The following ATG14 variants were observed in gnomAD, a reference collection of about 807,000 sequenced individuals.
ATG14 encodes the protein beclin 1-associated autophagy-related key regulator.
In ATG14, 35 loss-of-function variants were observed where a neutral mutation model predicts 60.4. The ratio of observed to expected loss-of-function variants is 0.58; its 90% CI spans 0.44 to 0.77. The LOEUF (loss-of-function observed/expected upper bound fraction) is 0.77, where lower values mean the gene tolerates loss of function less well. Ranked by LOEUF, ATG14 falls within the 30% of genes least tolerant of loss-of-function variation. The probability of loss-of-function intolerance (pLI) is 0.00; values close to 1 mark genes in which losing one functional copy is unlikely to be tolerated. For synonymous variants in ATG14, 234 were observed against 228.8 expected (o/e 1.02, Z -0.21); for missense variants, 647 against 626.3 (o/e 1.03, Z -0.35).
At chr14:55,371,430 G>A (rs578171867) in intron 9 of ATG14, among the ~76,000 whole-genome samples, 160 of 152,196 alleles carry the variant, frequency 1.1e-3, no homozygotes, top group Admixed American at 4.3e-3. Flanking sequence ...TATGCTCCAG[G>A]GACTGTTTTT....
At chr14:55,391,368 C>T (rs368021507) in intron 3 of ATG14, 7 of 157,918 alleles carry the variant, frequency 4.4e-5, no homozygotes, top group Middle Eastern at 3.1e-3. Context: ...CCCAGCTACT[C>T]GGGAGGCTGC....
At chr14:55,382,529 G>A (rs1885053794) in intron 5 of ATG14, among the ~76,000 whole-genome samples, 1 of 152,022 alleles carries the variant, frequency 6.6e-6, no homozygotes, top group South Asian at 2.1e-4. Context: ...TCACTTTGTT[G>A]CCCAGGCTGG....
rs578256473 is a variant in ATG14 at position 55,367,534 on chromosome 14, G to C, written c.*2085C>G. On this transcript the variant is annotated 3_prime_UTR_variant, in exon 10 of 10. Coordinates refer to ENST00000247178, the MANE Select transcript of ATG14 (RefSeq NM_014924.5). Reference sequence around the variant, plus strand: ...AAGGCAAGCGGATCACCTGAAGTCAGGAGTTCAAGACCAGCCTGGCCAACA... The same window carrying C: ...AAGGCAAGCGGATCACCTGAAGTCACGAGTTCAAGACCAGCCTGGCCAACA... 10 of 152,310 alleles carry C rather than the reference G, an allele frequency of 6.6e-5. No homozygotes were observed. Among genetic ancestry groups the C allele is most frequent in the African/African-American group, 2.4e-4 (10 of 41,540 alleles). 9.4% of individuals were successfully genotyped at this position (152,310 alleles called of 1,614,324 possible). A position where few individuals can be genotyped will look rare whatever the true frequency, so the allele number is the denominator to read the frequency against.
In ATG14 at chr14:55,382,055, T is replaced by C; in HGVS notation, c.784A>G (p.Ser262Gly). ...CDDHNGDTSI[S>G]ITGPWISLPN... ...AGGCTAATCCAAGGCCCTGTAATGC[T>C]AATGCTGGTGTCTCCGTTGTGATCG... is the stretch of plus-strand genomic sequence containing the variant. The change falls in exon 6 of 10, where the codon AGC becomes GGC. Residue 262 changes from serine (S) to glycine (G), a missense_variant. Coordinates refer to ENST00000247178, the MANE Select transcript of ATG14 (RefSeq NM_014924.5). 2 of 1,614,180 alleles carry C rather than the reference T, an allele frequency of 1.2e-6. No homozygotes were observed. The highest frequency in any genetic ancestry group is 8.5e-7 in the Non-Finnish European group (1 of 1,180,022).
At chr14:55,381,265 TG>T (rs1566579258) in intron 6 of ATG14, among the ~76,000 whole-genome samples, 2 of 152,340 alleles carry the variant, frequency 1.3e-5, no homozygotes, top group African/African-American at 4.8e-5. Context: ...AAATATTTAC[TG>T]AGTGACGAAA....
intron 4 of ATG14, among the ~76,000 whole-genome samples, chr14:55,387,454 A>G (rs1252411464): frequency 1.3e-5 from 2 of 151,938 alleles, no homozygotes; most frequent in Non-Finnish European, 2.9e-5. Flanking sequence ...CACTCCCCAG[A>G]CCTTTTGCTC....
intron 5 of ATG14, 98 bp downstream of exon 5, chr14:55,385,761 G>C (rs1213598535): frequency 9.6e-7 from 1 of 1,040,876 alleles, no homozygotes; most frequent in South Asian, 1.6e-5. Context: ...GAAAACCAAT[G>C]ACCCTAGAAT....
At chr14:55,395,033 T>G in intron 3 of ATG14, 1 of 482,510 alleles carries the variant, frequency 2.1e-6, no homozygotes, top group Non-Finnish European at 4.2e-6. Context: ...GTTTCTTGGT[T>G]AGCCACTTCT....
In ATG14 at chr14:55,409,056, T is replaced by C. The variant is rs1594786223; in HGVS notation, c.221+2546A>G. 1.3e-5 allele frequency among the ~76,000 whole-genome samples: 2 copies of C among 152,108 alleles called. 1 individual carries two copies. The highest frequency in any genetic ancestry group is 4.8e-5 in the African/African-American group (2 of 41,410). On this transcript the variant is annotated intron_variant, in intron 1 of 9. Transcript: ENST00000247178. ...AGACCAGAGGCAAGGTAAGGAAGAG[T>C]TGTCTGACTAAAAGAAGGGAGATCA... is the stretch of plus-strand genomic sequence containing the variant.
chr14:55,379,154 C>T (rs923608336), intron 7 of ATG14, among the ~76,000 whole-genome samples: 5 of 152,338 alleles, frequency 3.3e-5, no homozygotes, highest in African/African-American at 7.2e-5. Context: ...ATGTACCCTC[C>T]AGTGTTGGCA....
rs773485420 is a variant in ATG14 at position 55,370,048 on chromosome 14, C to T, written c.1173-123G>A. The T allele has an allele frequency of 2.4e-5, 21 of 867,320 alleles. 1 individual carries two copies. The highest frequency in any genetic ancestry group is 3.1e-5 in the Non-Finnish European group (18 of 585,590). 53.7% of individuals were successfully genotyped at this position (867,320 alleles called of 1,614,324 possible). A position where few individuals can be genotyped will look rare whatever the true frequency, so the allele number is the denominator to read the frequency against. Reference sequence around the variant, plus strand: ...GACGCCGCACACCCCATTCATTCCCCAAGTCTATGCAGCACTCCGTGTTGA... The same window carrying T: ...GACGCCGCACACCCCATTCATTCCCTAAGTCTATGCAGCACTCCGTGTTGA... On this transcript the variant is annotated intron_variant, in intron 9 of 9. Transcript: ENST00000247178.
Position 55,411,680 on chromosome 14 carries a change from G to C in ATG14, c.143C>G (p.Thr48Ser). ...VAVERCPLCN[T>S]TRRRLTCAKC... Reference sequence around the variant, plus strand: ...GGCGCAGGTCAGCCGCCGGCGGGTAGTGTTGCACAGCGGGCAGCGCTCCAC... The same window carrying C: ...GGCGCAGGTCAGCCGCCGGCGGGTACTGTTGCACAGCGGGCAGCGCTCCAC... The change falls in exon 1 of 10, where the codon ACT becomes AGT. Residue 48 changes from threonine to serine, a missense_variant. By Grantham distance (58) the Thr-to-Ser change is moderately conservative (BLOSUM62 1). Transcript: ENST00000247178. 1 of 1,613,360 alleles carries C rather than the reference G, an allele frequency of 6.2e-7. No individual in the cohort carries two copies. The highest frequency in any genetic ancestry group is 1.1e-5 in the South Asian group (1 of 91,030).
chr14:55,381,843 G>T, intron 6 of ATG14, 119 bp downstream of exon 6: 1 of 774,438 alleles, frequency 1.3e-6, no homozygotes, highest in Non-Finnish European at 2.1e-6. Flanking sequence ...TGGGAGCACA[G>T]TGCTGTGAAT....
At chr14:55,390,886 G>A (rs754650413) in intron 4 of ATG14, 25 bp downstream of exon 4, 1 of 1,491,448 alleles carries the variant, frequency 6.7e-7, no homozygotes, top group Non-Finnish European at 9.2e-7. Flanking sequence ...TTCTAGGGCT[G>A]GAAGGAAGGA....
rs181358184 is a variant in ATG14 at position 55,367,844 on chromosome 14, C to T, written c.*1775G>A. ...TTTGTGACTACCGGATAGAAATAAA[C>T]TCCGTTCTGCAACTCTACCCAAAAC... is the stretch of plus-strand genomic sequence containing the variant. On this transcript the variant is annotated 3_prime_UTR_variant, in exon 10 of 10. Coordinates refer to ENST00000247178, the MANE Select transcript of ATG14 (RefSeq NM_014924.5). The T allele has an allele frequency of 1.3e-5, 2 of 152,182 alleles. No homozygotes were observed. Among genetic ancestry groups the T allele is most frequent in the Admixed American group, 6.5e-5 (1 of 15,280 alleles). 9.4% of individuals were successfully genotyped at this position (152,182 alleles called of 1,614,324 possible).
At chr14:55,406,699 T>C (rs912519044) in intron 1 of ATG14, among the ~76,000 whole-genome samples, 1 of 152,202 alleles carries the variant, frequency 6.6e-6, no homozygotes, top group African/African-American at 2.4e-5. Context: ...GGCACTATTC[T>C]GGAAACAAAG....
chr14:55,405,385 T>C (rs1885472320), intron 1 of ATG14, among the ~76,000 whole-genome samples: 1 of 152,250 alleles, frequency 6.6e-6, no homozygotes, highest in South Asian at 2.1e-4. Context: ...TTCTGTTTCC[T>C]GGCAAAAGTA....
chr14:55,389,651 A>G (rs1885181142), intron 4 of ATG14, among the ~76,000 whole-genome samples: 1 of 152,232 alleles, frequency 6.6e-6, no homozygotes, highest in Non-Finnish European at 1.5e-5. Flanking sequence ...TGCTGCCGGC[A>G]CTCATTTAAT....
At chr14:55,385,442 G>C (rs191237376) in intron 5 of ATG14, among the ~76,000 whole-genome samples, 10 of 152,268 alleles carry the variant, frequency 6.6e-5, no homozygotes, top group Admixed American at 3.3e-4. Flanking sequence ...ACAGGCACGC[G>C]CCACCACGCC....
Sources: allele counts gnomAD v4.1 joint callset (sites outside exome capture counted in the v4.1 genomes callset), GRCh38; gene constraint gnomAD v4.1.1; transcripts MANE v1.5; gene names NCBI Gene and HGNC (gene_info 2026-07-23, HGNC 2026-07-21).